YEATS2: variants seen among roughly 807,000 people sequenced by gnomAD.
YEATS2 encodes the protein YEATS domain containing 2, also known as YEATS domain-containing protein 2.
YEATS2 carries 77 observed loss-of-function variants against 163.2 expected under a neutral mutation model. The ratio of observed to expected loss-of-function variants is 0.47; its 90% CI spans 0.39 to 0.57. The LOEUF is 0.57. Among genes scored for constraint, YEATS2 ranks in the 20% least tolerant of loss-of-function variants. The probability of loss-of-function intolerance (pLI) is 0.00; values close to 1 mark genes in which losing one functional copy is unlikely to be tolerated. For synonymous variants in YEATS2, 631 were observed against 645.1 expected, an observed-to-expected ratio of 0.98 and a Z score of 0.33; for missense variants, 1,549 against 1,729.8, an observed-to-expected ratio of 0.90 and a Z score of 1.85.
chr3:183,803,657 G>A (rs1333130600), intron 26 of YEATS2: 2 of 488,126 alleles, frequency 4.1e-6, no homozygotes, highest in African/African-American at 2.0e-5. Flanking sequence ...GAGTGGGAGA[G>A]CGCAGGTGGA....
At chr3:183,747,147 C>G (rs150453890) in intron 8 of YEATS2, among the ~76,000 whole-genome samples, 44 of 152,176 alleles carry the variant, frequency 2.9e-4, no homozygotes, top group African/African-American at 6.5e-4. Flanking sequence ...CCTCTACTGC[C>G]TATGTTTTCA....
intron 29 of YEATS2, 62 bp from the exon 30 acceptor site, chr3:183,809,035 T>A: frequency 1.3e-6 from 2 of 1,563,806 alleles, no homozygotes; most frequent in Admixed American, 3.3e-5. Flanking sequence ...TGGGGTTAAA[T>A]GTGTCCCTTC....
At chr3:183,735,778 C>G (rs1718272929) in intron 7 of YEATS2, among the ~76,000 whole-genome samples, 1 of 152,028 alleles carries the variant, frequency 6.6e-6, no homozygotes, top group African/African-American at 2.4e-5. Context: ...CCTCCGCCCC[C>G]CGGGTTCAAG....
intron 7 of YEATS2, among the ~76,000 whole-genome samples, chr3:183,730,052 GTTTTTTTTTTTTTTTTTTTTTT>G (rs869091775): frequency 1.2e-4 from 5 of 41,698 alleles, no homozygotes; most frequent in South Asian, 1.4e-3. Flanking sequence ...TTTTTTGTTT[GTTTTTTTTTTTTTTTTTTTTTT>G]TTTTTTTTTT....
intron 23 of YEATS2, 37 bp from the exon 24 acceptor site, chr3:183,800,429 C>A (rs1414832227): frequency 1.3e-6 from 2 of 1,517,158 alleles, no homozygotes; most frequent in Non-Finnish European, 1.8e-6. Context: ...CACCACTGAC[C>A]CCTAACAGCT....
chr3:183,805,081 G>A (rs1726048885), intron 27 of YEATS2, among the ~76,000 whole-genome samples: 1 of 151,694 alleles, frequency 6.6e-6, no homozygotes, highest in Non-Finnish European at 1.5e-5. Context: ...GGCAGAAGAA[G>A]CATTTTGAGT....
intron 6 of YEATS2, among the ~76,000 whole-genome samples, chr3:183,726,669 A>G (rs921674873): frequency 3.3e-5 from 5 of 152,190 alleles, no homozygotes; most frequent in Non-Finnish European, 4.4e-5. Flanking sequence ...CCCCTCCCTC[A>G]TTAGGCATAT....
At chr3:183,715,818 A>G (rs772362318) in intron 2 of YEATS2, among the ~76,000 whole-genome samples, 1 of 152,206 alleles carries the variant, frequency 6.6e-6, no homozygotes, top group Non-Finnish European at 1.5e-5. Flanking sequence ...CTTAGCTAAT[A>G]GTAGATAAAT....
rs1364560674 is a variant in YEATS2, at chr3:183,802,268, C to G, written c.3502+740C>G. On this transcript the variant is annotated intron_variant, in intron 25 of 30. Transcript: ENST00000305135. ...ACCACCATGCACACTCAGAGGGGAG[C>G]CACAAGGCAACCTCCACGCCACTCA... 3 of 152,642 alleles carry G rather than the reference C, an allele frequency of 2.0e-5. No homozygotes were observed. In the East Asian group the frequency reaches 5.8e-4, roughly 30 times the overall value. 9.5% of individuals were successfully genotyped at this position (152,642 alleles called of 1,614,324 possible).
chr3:183,809,143 T>C lies in YEATS2; in HGVS notation c.4133T>C (p.Val1378Ala). The C allele has an allele frequency of 1.2e-6, 2 of 1,614,134 alleles. No homozygotes were observed. Among genetic ancestry groups the C allele is most frequent in the African/African-American group, 1.3e-5 (1 of 75,040 alleles). The part of the protein sequence containing the change: ...VNDILRQALA[V>A]GYQTASHNRI... ...GATATCCTGAGACAGGCTTTGGCAG[T>C]TGGATACCAGACAGCTTCTCACAAC... Residue 1378 changes from valine to alanine, a missense_variant, in exon 30 of 31, where the codon GTT becomes GCT. By Grantham distance (64) the Val-to-Ala change is moderately conservative. Coordinates refer to ENST00000305135, the MANE Select transcript of YEATS2 (RefSeq NM_018023.5).
At chr3:183,741,902 T>C (rs1719012913) in intron 8 of YEATS2, among the ~76,000 whole-genome samples, 1 of 151,924 alleles carries the variant, frequency 6.6e-6, no homozygotes, top group Admixed American at 6.6e-5. Context: ...ATTCAAGTCT[T>C]ACTGTTTTAA....
At chr3:183,803,608 G>C (rs890372879) in intron 26 of YEATS2, 19 of 517,494 alleles carry the variant, frequency 3.7e-5, no homozygotes, top group Non-Finnish European at 5.9e-5. Context: ...ACAGTGGGAA[G>C]GTGCTGTGGT....
intron 8 of YEATS2, among the ~76,000 whole-genome samples, chr3:183,743,348 T>G (rs1334151323): frequency 6.6e-6 from 1 of 152,132 alleles, no homozygotes; most frequent in Non-Finnish European, 1.5e-5. Context: ...AACGTTTATT[T>G]TTTATTTTTT....
At chr3:183,718,058 T>C (rs1716095036) in intron 3 of YEATS2, among the ~76,000 whole-genome samples, 1 of 152,104 alleles carries the variant, frequency 6.6e-6, no homozygotes, top group Non-Finnish European at 1.5e-5. Flanking sequence ...AAGAGTAAAA[T>C]TGGATTGTTT....
chr3:183,799,158 T>A (rs1725434628), intron 23 of YEATS2, among the ~76,000 whole-genome samples, 169 bp downstream of exon 23: 1 of 152,222 alleles, frequency 6.6e-6, no homozygotes, highest in Non-Finnish European at 1.5e-5. Context: ...TCCTAAATGC[T>A]CATATGGTAG....
intron 6 of YEATS2, among the ~76,000 whole-genome samples, chr3:183,725,898 C>G (rs1398584932): frequency 2.0e-5 from 3 of 152,132 alleles, no homozygotes; most frequent in African/African-American, 7.2e-5. Flanking sequence ...ACTTTTTGTT[C>G]TTCTTCAAAA....
Position 183,715,129 on chromosome 3 carries a change from A to G in YEATS2, c.-19-15A>G. 6.7e-7 allele frequency: 1 copy of G among 1,491,552 alleles called. No homozygotes were observed. The highest frequency in any genetic ancestry group is 9.3e-7 in the Non-Finnish European group (1 of 1,078,618). 92.4% of individuals were successfully genotyped at this position (1,491,552 alleles called of 1,614,324 possible). Reference sequence around the variant, plus strand: ...CTGAATAATTAAAAATTATTAATTTATCATTGCTTCACAGTGAAGAACTGA... The same window carrying G: ...CTGAATAATTAAAAATTATTAATTTGTCATTGCTTCACAGTGAAGAACTGA... On this transcript the variant is annotated splice_polypyrimidine_tract_variant and intron_variant, in intron 1 of 30. Transcript: ENST00000305135.
At chr3:183,706,109 A>G (rs1207167228) in intron 1 of YEATS2, among the ~76,000 whole-genome samples, 1 of 151,580 alleles carries the variant, frequency 6.6e-6, no homozygotes, top group Admixed American at 6.6e-5. Context: ...CTTTGGAGGG[A>G]GAAGGTAGGG....
At chr3:183,743,555 A>G (rs991405901) in intron 8 of YEATS2, among the ~76,000 whole-genome samples, 6 of 151,916 alleles carry the variant, frequency 3.9e-5, no homozygotes, top group African/African-American at 1.2e-4. Flanking sequence ...TGTGTTGCCC[A>G]GGCTGGTCTC....
Sources: gnomAD v4.1 joint callset for allele counts (sites outside exome capture counted in the v4.1 genomes callset) on GRCh38, gnomAD v4.1.1 for gene constraint, MANE v1.5 for transcripts, NCBI Gene and HGNC (gene_info 2026-07-23, HGNC 2026-07-21) for gene names.